Variants in KCNA3 observed in about 807,000 individuals in gnomAD.
KCNA3 encodes the protein potassium voltage-gated channel subfamily A member 3, also known as RP11-284N8.3.
Under a neutral mutation model 34.3 loss-of-function variants are expected in KCNA3, and 18 were observed. The observed-to-expected ratio is 0.52, with a 90% CI of 0.36 to 0.78. KCNA3 has a LOEUF of 0.78. Among genes scored for constraint, KCNA3 ranks in the 30% least tolerant of loss-of-function variants. KCNA3 has a pLI of 0.00. For synonymous variants in KCNA3, 324 were observed against 351.7 expected (o/e 0.92, Z 0.88); for missense variants, 587 against 802.5 (o/e 0.73, Z 3.24).
chr1:110,672,982 C>A lies in KCNA3; in HGVS notation c.*100G>T. On this transcript the variant is annotated 3_prime_UTR_variant, in exon 1 of 1. Coordinates refer to ENST00000369769, the MANE Select transcript of KCNA3 (RefSeq NM_002232.5). ...GCTTTCCACTTCTTCAGGTCCTTTCCTTGATGAATGGTCTGGAAATGTATA... is the reference window on the plus strand; with the variant it reads ...GCTTTCCACTTCTTCAGGTCCTTTCATTGATGAATGGTCTGGAAATGTATA... 1 of 1,199,084 alleles carries A rather than the reference C, an allele frequency of 8.3e-7. No homozygotes were observed. Among genetic ancestry groups the A allele is most frequent in the South Asian group, 1.5e-5 (1 of 67,388 alleles). 74.3% of individuals were successfully genotyped at this position (1,199,084 alleles called of 1,614,324 possible).
At chr1:110,672,125 GT>G (rs1651912243), downstream of KCNA3, among the ~76,000 whole-genome samples, 1 of 152,202 alleles carries the variant, frequency 6.6e-6, no homozygotes, top group South Asian at 2.1e-4. Context: ...GGGCTGGGAG[GT>G]GGGGCTAGAG....
chr1:110,654,450 T>C, the KCNA3 span: 3 of 152,176 alleles, frequency 2.0e-5, no homozygotes, highest in Admixed American at 2.0e-4. Flanking sequence ...GATTGATTAC[T>C]GCTTTATTCA....
At chr1:110,660,464 C>T in the KCNA3 span, among the ~76,000 whole-genome samples, 3 of 151,890 alleles carry the variant, frequency 2.0e-5, no homozygotes, top group South Asian at 6.2e-4. Context: ...ATGATGAGAA[C>T]TCTTGAAGTG....
downstream of KCNA3, among the ~76,000 whole-genome samples, chr1:110,671,134 G>C (rs1297790325): frequency 6.6e-6 from 1 of 152,142 alleles, no homozygotes; most frequent in African/African-American, 2.4e-5. Context: ...TCTAACAGCA[G>C]TAGATTCTGC....
the KCNA3 span, among the ~76,000 whole-genome samples, chr1:110,659,034 A>G: frequency 2.0e-5 from 3 of 152,184 alleles, no homozygotes; most frequent in Admixed American, 6.5e-5. Flanking sequence ...TGTAGACTTC[A>G]CTTATTTATA....
chr1:110,656,715 C>G, the KCNA3 span: 5 of 152,202 alleles, frequency 3.3e-5, no homozygotes, highest in African/African-American at 9.7e-5. Flanking sequence ...TTCCCACCTT[C>G]CCCTGCTCCC....
downstream of KCNA3, among the ~76,000 whole-genome samples, chr1:110,668,637 T>C (rs1460924117): frequency 6.6e-6 from 1 of 152,196 alleles, no homozygotes; most frequent in East Asian, 1.9e-4. Flanking sequence ...TGTGGTTATG[T>C]CACCACAGTT....
chr1:110,662,692 T>C, the KCNA3 span, among the ~76,000 whole-genome samples: 6 of 152,184 alleles, frequency 3.9e-5, no homozygotes, highest in Non-Finnish European at 5.9e-5. Flanking sequence ...ACTCAGTAAT[T>C]AAAGTCAGTA....
At chr1:110,669,404 T>C (rs557675143), downstream of KCNA3, among the ~76,000 whole-genome samples, 1 of 152,330 alleles carries the variant, frequency 6.6e-6, no homozygotes, top group South Asian at 2.1e-4. Flanking sequence ...AAGAAAATAA[T>C]CTTTTGTTAT....
In KCNA3 at chr1:110,673,553, G is replaced by A. The variant is rs756122507; in HGVS notation, c.1257C>T (p.Ala419=). The A allele has an allele frequency of 1.9e-6, 3 of 1,614,158 alleles. No individual in the cohort carries two copies. The highest frequency in any genetic ancestry group is 2.5e-6 in the Non-Finnish European group (3 of 1,180,030). ...VILFSSAVYF[A]EADDPTSGFS... ...AACCTGAAGTGGGGTCGTCTGCCTCGGCAAAGTAGACCGCGCTGGAGAAAA... is the reference window on the plus strand; with the variant it reads ...AACCTGAAGTGGGGTCGTCTGCCTCAGCAAAGTAGACCGCGCTGGAGAAAA... The change falls in exon 1 of 1, where the codon GCC becomes GCT. Residue 419 remains alanine, a synonymous_variant. Transcript: ENST00000369769. The surrounding 1 kb of genome is among the most constrained non-coding windows in gnomAD (Gnocchi z 8.8).
In KCNA3 at chr1:110,673,074, A is replaced by G. The variant is rs1269383992; in HGVS notation, c.*8T>C. On this transcript the variant is annotated 3_prime_UTR_variant, in exon 1 of 1. Transcript: ENST00000369769. The surrounding 1 kb of genome is among the most constrained non-coding windows in gnomAD (Gnocchi z 8.8). ...ATACTGAGCACAGCATGTCACTTGT[A>G]TCACATATTAAACATCGGTGAATAT... is the stretch of plus-strand genomic sequence containing the variant. 9 of 1,599,544 alleles carry G rather than the reference A, an allele frequency of 5.6e-6. No individual in the cohort carries two copies. Among genetic ancestry groups the G allele is most frequent in the Admixed American group, 1.7e-5 (1 of 59,402 alleles).
At chr1:110,665,616 G>A in the KCNA3 span, among the ~76,000 whole-genome samples, 1 of 152,096 alleles carries the variant, frequency 6.6e-6, no homozygotes, top group Admixed American at 6.6e-5. Flanking sequence ...AGGAGCTCAG[G>A]GGAGAGATCT....
the KCNA3 span, among the ~76,000 whole-genome samples, chr1:110,663,964 T>A: frequency 6.6e-6 from 1 of 152,328 alleles, no homozygotes; most frequent in East Asian, 1.9e-4. Flanking sequence ...TAAAATGTAA[T>A]GTTAATTGCA....
At chr1:110,659,002 A>G in the KCNA3 span, among the ~76,000 whole-genome samples, 46 of 152,300 alleles carry the variant, frequency 3.0e-4, no homozygotes, top group East Asian at 8.3e-3. Flanking sequence ...GTCTGTCTTT[A>G]ATACCATTCA....
the KCNA3 span, chr1:110,656,590 G>A: frequency 6.6e-6 from 1 of 152,220 alleles, no homozygotes; most frequent in East Asian, 1.9e-4. Flanking sequence ...GCATATGAGA[G>A]TTTTTGGCAG....
rs927965868 is a variant in KCNA3 at position 110,672,854 on chromosome 1, G to A, written c.*228C>T. ...AAGTCTGTTGTTTACAATGTTAAGAGAGAGAGGGTAAGAGGGAAAAGGAGA... is the reference window on the plus strand; with the variant it reads ...AAGTCTGTTGTTTACAATGTTAAGAAAGAGAGGGTAAGAGGGAAAAGGAGA... On this transcript the variant is annotated 3_prime_UTR_variant, in exon 1 of 1. Transcript: ENST00000369769. 40 of 522,574 alleles carry A rather than the reference G, an allele frequency of 7.7e-5. No homozygotes were observed. The highest frequency in any genetic ancestry group is 1.1e-4 in the Non-Finnish European group (33 of 295,796). The allele number at this position is 522,574 out of a possible 1,614,324, so 32.4% of individuals were successfully genotyped here.
At chr1:110,672,258 T>C (rs1321050021), downstream of KCNA3, among the ~76,000 whole-genome samples, 1 of 152,212 alleles carries the variant, frequency 6.6e-6, no homozygotes, top group Non-Finnish European at 1.5e-5. Context: ...CACTTTAATC[T>C]TCTTGTGATA....
downstream of KCNA3, among the ~76,000 whole-genome samples, chr1:110,669,126 A>C (rs1651791661): frequency 6.6e-6 from 1 of 152,194 alleles, no homozygotes; most frequent in African/African-American, 2.4e-5. Flanking sequence ...TTCTGCTTTT[A>C]ATACTTCTGT....
the KCNA3 span, among the ~76,000 whole-genome samples, chr1:110,659,091 C>T: frequency 6.6e-6 from 1 of 151,818 alleles, no homozygotes. Context: ...ACAAAACACA[C>T]CTTCACAAAT....
Sources: allele counts gnomAD v4.1 joint callset (sites outside exome capture counted in the v4.1 genomes callset), GRCh38; gene constraint gnomAD v4.1.1; non-coding constraint Gnocchi (gnomAD v3.1); transcripts MANE v1.5; gene names NCBI Gene and HGNC (gene_info 2026-07-23, HGNC 2026-07-21).